The following PCDH9 variants were observed in gnomAD, a reference collection of about 807,000 sequenced individuals.
PCDH9 encodes the protein protocadherin 9, also known as protocadherin-9.
PCDH9 carries 24 observed loss-of-function variants against 70.6 expected under a neutral mutation model. The observed-to-expected ratio is 0.34, with a 90% CI of 0.25 to 0.48. The LOEUF is 0.48. Ranked by LOEUF, PCDH9 falls within the 20% of genes least tolerant of loss-of-function variation. PCDH9 has a pLI of 0.99. For missense variants in PCDH9, 1,281 were observed against 1,503.6 expected (o/e 0.85, Z 2.45); for synonymous variants, 562 against 558.5 (o/e 1.01, Z -0.09).
At chr13:66,981,963 A>C (rs1477278175) in intron 2 of PCDH9, among the ~76,000 whole-genome samples, 2 of 152,190 alleles carry the variant, frequency 1.3e-5, no homozygotes, top group Non-Finnish European at 2.9e-5. Flanking sequence ...TCCCCCGCCC[A>C]AATCTCATGT....
chr13:66,902,446 A>G (rs2082290997), intron 3 of PCDH9, among the ~76,000 whole-genome samples: 1 of 151,648 alleles, frequency 6.6e-6, no homozygotes, highest in Non-Finnish European at 1.5e-5. Context: ...TTTGAAAATA[A>G]TAGATTCCTT....
At chr13:66,816,781 G>A (rs542228629) in intron 3 of PCDH9, among the ~76,000 whole-genome samples, 3 of 151,904 alleles carry the variant, frequency 2.0e-5, no homozygotes, top group South Asian at 4.2e-4. Context: ...GTAGCCGGGC[G>A]CAGTGGCATG....
At chr13:66,463,380 C>G (rs1958459524) in intron 4 of PCDH9, among the ~76,000 whole-genome samples, 1 of 151,748 alleles carries the variant, frequency 6.6e-6, no homozygotes, top group Non-Finnish European at 1.5e-5. Context: ...TAAAATTTGA[C>G]TGATGTTCTT....
chr13:66,891,487 T>C (rs935221458), intron 3 of PCDH9, among the ~76,000 whole-genome samples: 1 of 152,100 alleles, frequency 6.6e-6, no homozygotes, highest in Non-Finnish European at 1.5e-5. Flanking sequence ...AACTAAATAG[T>C]AATATAAGAT....
intron 4 of PCDH9, among the ~76,000 whole-genome samples, chr13:66,306,956 T>C (rs534934646): frequency 1.3e-3 from 196 of 152,172 alleles, no homozygotes; most frequent in Admixed American, 2.0e-3. Flanking sequence ...CCACGCTCCC[T>C]GCATTAGGAT....
intron 4 of PCDH9, among the ~76,000 whole-genome samples, chr13:66,420,970 C>T (rs550699210): frequency 6.6e-6 from 1 of 152,000 alleles, no homozygotes; most frequent in African/African-American, 2.4e-5. Context: ...CCAGAATAAC[C>T]AGTATAGACA....
At chr13:67,131,215 G>A (rs758924819) in intron 2 of PCDH9, among the ~76,000 whole-genome samples, 2 of 151,926 alleles carry the variant, frequency 1.3e-5, no homozygotes, top group Non-Finnish European at 2.9e-5. Flanking sequence ...ACTATAATTG[G>A]ACTTTTAGTC....
intron 3 of PCDH9, among the ~76,000 whole-genome samples, chr13:66,644,998 A>C (rs1360896172): frequency 6.6e-6 from 1 of 152,056 alleles, no homozygotes; most frequent in Admixed American, 6.5e-5. Flanking sequence ...TTAAGAAATC[A>C]CCTTTCCTGG....
At chr13:66,306,431 G>A (rs993295388) in intron 4 of PCDH9, 2 of 149,792 alleles carry the variant, frequency 1.3e-5, no homozygotes, top group Non-Finnish European at 1.5e-5. Context: ...GTTTTCCTGG[G>A]TACAATGTAT....
intron 2 of PCDH9, chr13:66,914,361 C>T (rs1037289258): frequency 2.6e-5 from 4 of 151,736 alleles, no homozygotes; most frequent in African/African-American, 9.7e-5. Context: ...ATATAACTTC[C>T]GCAAAACTAC....
At position 66,409,366 on chromosome 13, in the gene PCDH9, T is replaced by C. The variant is rs574743529; in HGVS notation, c.3341-104338A>G. Among the ~76,000 whole-genome samples the C allele has an allele frequency of 3.3e-5, 5 of 152,324 alleles. No individual in the cohort carries two copies. In the South Asian group the frequency reaches 1.0e-3, roughly 32 times the overall value. On this transcript the variant is annotated intron_variant, in intron 4 of 4. Coordinates refer to ENST00000377865, the MANE Select transcript of PCDH9 (RefSeq NM_203487.3). Reference sequence around the variant, plus strand: ...AAATACAGCAAATATCATATTTACATATTTACTTTGGTTTGCACTAATTGT... The same window carrying C: ...AAATACAGCAAATATCATATTTACACATTTACTTTGGTTTGCACTAATTGT...
intron 2 of PCDH9, among the ~76,000 whole-genome samples, chr13:66,996,680 T>A (rs1057295498): frequency 6.6e-6 from 1 of 152,162 alleles, no homozygotes; most frequent in Non-Finnish European, 1.5e-5. Context: ...ACAAAAATGT[T>A]TACTGAATAA....
chr13:67,031,892 C>T (rs1378582280), intron 2 of PCDH9, among the ~76,000 whole-genome samples: 1 of 152,114 alleles, frequency 6.6e-6, no homozygotes, highest in Non-Finnish European at 1.5e-5. Context: ...GTCAAAGATA[C>T]ACAGCCCTTC....
intron 2 of PCDH9, among the ~76,000 whole-genome samples, chr13:67,105,824 A>G (rs1276143936): frequency 2.0e-5 from 3 of 151,880 alleles, no homozygotes; most frequent in African/African-American, 7.2e-5. Context: ...TCAGATAGAT[A>G]ATATTTAATG....
chr13:66,345,943 C>T (rs1207924078), intron 4 of PCDH9, among the ~76,000 whole-genome samples: 1 of 152,056 alleles, frequency 6.6e-6, no homozygotes, highest in Non-Finnish European at 1.5e-5. Flanking sequence ...ACACAATAAG[C>T]GTATAGGGGA....
intron 2 of PCDH9, among the ~76,000 whole-genome samples, chr13:67,044,301 A>G (rs1334541277): frequency 6.6e-6 from 1 of 152,202 alleles, no homozygotes; most frequent in African/African-American, 2.4e-5. Context: ...AGAAAATAGT[A>G]AGAAATATAA....
At chr13:66,819,065 A>G (rs567784470) in intron 3 of PCDH9, among the ~76,000 whole-genome samples, 97 of 152,334 alleles carry the variant, frequency 6.4e-4, no homozygotes, top group African/African-American at 1.7e-3. Flanking sequence ...AATAACCTAC[A>G]AAGAAGGGGT....
chr13:66,480,936 T>C (rs1464862219), intron 4 of PCDH9, among the ~76,000 whole-genome samples: 1 of 151,962 alleles, frequency 6.6e-6, no homozygotes, highest in Admixed American at 6.5e-5. Flanking sequence ...ATAGACTGGA[T>C]AAAGAAAATG....
At chr13:66,720,725 CCA>C (rs1256243555) in intron 3 of PCDH9, among the ~76,000 whole-genome samples, 1 of 151,900 alleles carries the variant, frequency 6.6e-6, no homozygotes, top group Non-Finnish European at 1.5e-5. Context: ...TTTTCAGTTC[CCA>C]GTTATAAGCC....
Sources: gnomAD v4.1 joint callset for allele counts (sites outside exome capture counted in the v4.1 genomes callset) on GRCh38, gnomAD v4.1.1 for gene constraint, MANE v1.5 for transcripts, NCBI Gene and HGNC (gene_info 2026-07-23, HGNC 2026-07-21) for gene names.